Variants in TENM3 observed in about 807,000 individuals in gnomAD.
The protein encoded by TENM3 is teneurin transmembrane protein 3.
TENM3 carries 63 observed loss-of-function variants against 255.1 expected under a neutral mutation model. The observed-to-expected ratio is 0.25, with a 90% confidence interval of 0.20 to 0.30. The LOEUF is 0.30. Among genes scored for constraint, TENM3 ranks in the 10% least tolerant of loss-of-function variants. The pLI, the probability that TENM3 is intolerant of heterozygous loss-of-function variation, is 1.00. For missense variants in TENM3, 2,929 were observed against 3,461.1 expected, an observed-to-expected ratio of 0.85 and a Z score of 3.86; for synonymous variants, 1,306 against 1,322.3, an observed-to-expected ratio of 0.99 and a Z score of 0.27.
intron 3 of TENM3, among the ~76,000 whole-genome samples, chr4:182,466,418 C>T (rs888888773): frequency 7.2e-5 from 11 of 152,202 alleles, no homozygotes; most frequent in Non-Finnish European, 7.3e-5. Context: ...TTCTGTGTCT[C>T]TGTGAGGCTC....
chr4:181,639,654 C>A, the TENM3 span, among the ~76,000 whole-genome samples: 1 of 152,184 alleles, frequency 6.6e-6, no homozygotes, highest in Non-Finnish European at 1.5e-5. Flanking sequence ...GCCGGAGAAT[C>A]GCTTGAACCC....
the TENM3 span, among the ~76,000 whole-genome samples, chr4:181,803,558 T>C: frequency 6.6e-6 from 1 of 152,162 alleles, no homozygotes. Flanking sequence ...CAATAAGACT[T>C]TCTAGACCAG....
chr4:181,803,100 C>T, the TENM3 span, among the ~76,000 whole-genome samples: 1 of 152,078 alleles, frequency 6.6e-6, no homozygotes, highest in Admixed American at 6.6e-5. Flanking sequence ...ATTTCTATTA[C>T]TAAAATTGAT....
At chr4:181,915,590 C>T in the TENM3 span, among the ~76,000 whole-genome samples, 11 of 145,790 alleles carry the variant, frequency 7.5e-5, no homozygotes, top group East Asian at 2.0e-4. Flanking sequence ...TTATGTTAAA[C>T]GAAGAAGGCA....
At chr4:181,794,666 C>CTGTGTG in the TENM3 span, among the ~76,000 whole-genome samples, 25,280 of 142,774 alleles carry the variant, frequency 0.18, 2,397 homozygotes, top group Non-Finnish European at 0.22. Context: ...AATAATATCC[C>CTGTGTG]TGTGTGTGTG....
the TENM3 span, among the ~76,000 whole-genome samples, chr4:181,525,791 T>C: frequency 6.6e-6 from 1 of 152,172 alleles, no homozygotes; most frequent in Non-Finnish European, 1.5e-5. Context: ...TCTTACCACA[T>C]ACTAATGAGG....
At chr4:182,679,073 A>T (rs973522719) in intron 7 of TENM3, among the ~76,000 whole-genome samples, 6 of 152,154 alleles carry the variant, frequency 3.9e-5, no homozygotes, top group Non-Finnish European at 1.5e-5. Context: ...GTCAGGGGCT[A>T]GGGGAGGGAT....
chr4:181,878,636 C>T, the TENM3 span, among the ~76,000 whole-genome samples: 1 of 151,960 alleles, frequency 6.6e-6, no homozygotes, highest in African/African-American at 2.4e-5. Flanking sequence ...TTATTTATTT[C>T]TTAATAAGAT....
chr4:181,617,684 T>C, the TENM3 span, among the ~76,000 whole-genome samples: 1 of 152,216 alleles, frequency 6.6e-6, no homozygotes, highest in Admixed American at 6.5e-5. Context: ...GTCAATGAGC[T>C]CATGGACTAC....
At chr4:182,446,626 C>CT (rs751176797) in intron 3 of TENM3, among the ~76,000 whole-genome samples, 290 of 143,108 alleles carry the variant, frequency 2.0e-3, no homozygotes, top group Middle Eastern at 7.2e-3. Flanking sequence ...GGTCCTAGCA[C>CT]TTTTTTTTTT....
chr4:181,551,847 TGTGTGTGTGTGTGTGTGTG>T, the TENM3 span, among the ~76,000 whole-genome samples: 3 of 9,252 alleles, frequency 3.2e-4, no homozygotes, highest in Non-Finnish European at 1.2e-3. Context: ...TATGTGTGTG[TGTGTGTGTGTGTGTGTGTG>T]TGTGTGTGTG....
At chr4:181,921,129 T>C in the TENM3 span, among the ~76,000 whole-genome samples, 6 of 152,180 alleles carry the variant, frequency 3.9e-5, no homozygotes, top group Non-Finnish European at 1.5e-5. Context: ...CTGTTTTGGT[T>C]ACTGTAGGCT....
the TENM3 span, among the ~76,000 whole-genome samples, chr4:181,824,317 C>T: frequency 6.6e-6 from 1 of 151,614 alleles, no homozygotes; most frequent in South Asian, 2.1e-4. Context: ...CCCAGGCTGG[C>T]CTCCAACTCC....
At chr4:181,605,576 G>GAA in the TENM3 span, among the ~76,000 whole-genome samples, 16 of 23,162 alleles carry the variant, frequency 6.9e-4, 3 homozygotes, top group South Asian at 0.037. Context: ...GAAAGAGAGA[G>GAA]AAAGAAAGGA....
intron 1 of TENM3, among the ~76,000 whole-genome samples, chr4:182,261,556 C>T (rs1172932964): frequency 1.3e-5 from 2 of 152,094 alleles, no homozygotes; most frequent in Admixed American, 6.6e-5. Context: ...ATAACAAATG[C>T]GCTTTTAAAG....
intron 1 of TENM3, among the ~76,000 whole-genome samples, chr4:182,196,300 T>G (rs912563640): frequency 2.0e-5 from 3 of 152,106 alleles, no homozygotes; most frequent in Non-Finnish European, 4.4e-5. Context: ...GTTTCCTAGA[T>G]GTAACATTCA....
the TENM3 span, among the ~76,000 whole-genome samples, chr4:181,838,297 C>T: frequency 6.6e-6 from 1 of 152,180 alleles, no homozygotes; most frequent in Non-Finnish European, 1.5e-5. Flanking sequence ...AGGATCTTCT[C>T]GCCTACATTC....
At chr4:182,375,285 A>G (rs750334356) in intron 3 of TENM3, among the ~76,000 whole-genome samples, 1 of 151,978 alleles carries the variant, frequency 6.6e-6, no homozygotes, top group Non-Finnish European at 1.5e-5. Flanking sequence ...TTAGGCTTCT[A>G]AGTCCATTCC....
At chr4:182,198,674 C>T (rs1022291722) in intron 1 of TENM3, among the ~76,000 whole-genome samples, 6 of 152,196 alleles carry the variant, frequency 3.9e-5, no homozygotes, top group African/African-American at 1.4e-4. Flanking sequence ...CATTTCCTGA[C>T]GAGCAGGTGT....
Sources: allele counts gnomAD v4.1 joint callset (sites outside exome capture counted in the v4.1 genomes callset), GRCh38; gene constraint gnomAD v4.1.1; transcripts MANE v1.5; gene names NCBI Gene and HGNC (gene_info 2026-07-23, HGNC 2026-07-21).